N4BP2L2: variants seen among roughly 807,000 people sequenced by gnomAD.
The protein encoded by N4BP2L2 is NEDD4-binding protein 2-like 2.
Under a neutral mutation model 56.2 loss-of-function variants are expected in N4BP2L2, and 50 were observed. The ratio of observed to expected loss-of-function variants is 0.89; its 90% CI spans 0.71 to 1.13. N4BP2L2 has a LOEUF of 1.13. Among genes scored for constraint, N4BP2L2 ranks in the 50% most tolerant of loss-of-function variants. The pLI, the probability that N4BP2L2 is intolerant of heterozygous loss-of-function variation, is 0.00. For synonymous variants in N4BP2L2, 203 were observed against 223.6 expected (o/e 0.91, Z 0.82); for missense variants, 689 against 693.8 (o/e 0.99, Z 0.08).
chr13:32,442,597 G>C (rs1243791450), exon 7 of N4BP2L2: 1 of 1,613,860 alleles, frequency 6.2e-7, no homozygotes, highest in Non-Finnish European at 8.5e-7. Flanking sequence ...AGAGCACGAA[G>C]TATCAGGATG....
At chr13:32,477,962 C>T in intron 6 of N4BP2L2, 1 of 1,289,368 alleles carries the variant, frequency 7.8e-7, no homozygotes, top group Non-Finnish European at 1.0e-6. Flanking sequence ...TTGGTCATGT[C>T]CTTGATTCCA....
intron 6 of N4BP2L2, among the ~76,000 whole-genome samples, chr13:32,459,714 T>C (rs1381328329): frequency 1.3e-5 from 2 of 152,116 alleles, no homozygotes; most frequent in Non-Finnish European, 2.9e-5. Context: ...GAACATCCTA[T>C]GCTCATTGAT....
intron 5 of N4BP2L2, among the ~76,000 whole-genome samples, chr13:32,519,925 T>C (rs1353199224): frequency 1.3e-5 from 2 of 152,218 alleles, no homozygotes; most frequent in Non-Finnish European, 2.9e-5. Context: ...CATTTTATCA[T>C]TCATTTATTC....
chr13:32,524,339 A>T (rs2052002065), intron 3 of N4BP2L2: 5 of 152,220 alleles, frequency 3.3e-5, no homozygotes, highest in Admixed American at 2.0e-4. Context: ...TCCAGAAAAG[A>T]AGTTTTATTG....
intron 6 of N4BP2L2, among the ~76,000 whole-genome samples, chr13:32,470,973 C>G (rs2082181875): frequency 6.6e-6 from 1 of 152,218 alleles, no homozygotes; most frequent in Admixed American, 6.5e-5. Flanking sequence ...CTGTCACAGT[C>G]TAGCCTAGTA....
At chr13:32,444,067 C>T in exon 7 of N4BP2L2, 1 of 1,589,938 alleles carries the variant, frequency 6.3e-7, no homozygotes, top group Non-Finnish European at 8.6e-7. Context: ...GTTTCTTTTT[C>T]TGTTCCTCTT....
chr13:32,519,062 AT>A (rs2050031854), intron 5 of N4BP2L2, among the ~76,000 whole-genome samples: 1 of 152,134 alleles, frequency 6.6e-6, no homozygotes, highest in African/African-American at 2.4e-5. Context: ...TTACTTTTCA[AT>A]GCTGATGTTT....
intron 6 of N4BP2L2, among the ~76,000 whole-genome samples, chr13:32,451,574 C>A (rs1040551554): frequency 6.6e-6 from 1 of 152,080 alleles, no homozygotes; most frequent in Admixed American, 6.6e-5. Context: ...CAGGGTCTCA[C>A]TCTGTTGCCC....
chr13:32,533,181 T>C (rs1048069742), intron 2 of N4BP2L2, among the ~76,000 whole-genome samples: 2 of 152,216 alleles, frequency 1.3e-5, no homozygotes, highest in Non-Finnish European at 2.9e-5. Context: ...TTTATAGGCT[T>C]CTCAAATTCA....
At chr13:32,468,544 T>G (rs1157479327) in intron 6 of N4BP2L2, among the ~76,000 whole-genome samples, 1 of 152,202 alleles carries the variant, frequency 6.6e-6, no homozygotes, top group Admixed American at 6.5e-5. Flanking sequence ...GCAGCTGATA[T>G]GACAGAATCA....
At chr13:32,438,662 A>G (rs759810010) in exon 8 of N4BP2L2, 2 of 1,602,938 alleles carry the variant, frequency 1.2e-6, no homozygotes, top group South Asian at 2.2e-5. Context: ...CTCCACTGAC[A>G]TCTTCCATTG....
chr13:32,500,861 TTTTC>T (rs1209870276), intron 6 of N4BP2L2, among the ~76,000 whole-genome samples: 7 of 137,536 alleles, frequency 5.1e-5, no homozygotes, highest in Admixed American at 4.3e-4. Context: ...CACTTTAGTC[TTTTC>T]TTTTTTTTTT....
chr13:32,532,496 T>G (rs530596255), intron 2 of N4BP2L2, among the ~76,000 whole-genome samples: 1 of 152,240 alleles, frequency 6.6e-6, no homozygotes, highest in African/African-American at 2.4e-5. Flanking sequence ...TACCATGTAT[T>G]GAATATTTTG....
exon 6 of N4BP2L2, chr13:32,516,785 G>T: frequency 5.1e-6 from 2 of 391,934 alleles, no homozygotes; most frequent in Non-Finnish European, 7.0e-6. Context: ...ATTAAGAGAA[G>T]TAGTAGTGTT....
chr13:32,446,082 G>A (rs2077009106), intron 6 of N4BP2L2, among the ~76,000 whole-genome samples: 1 of 152,164 alleles, frequency 6.6e-6, no homozygotes, highest in African/African-American at 2.4e-5. Context: ...TCAGTTGATT[G>A]GCTGGGCATT....
At chr13:32,441,690 CAT>C (rs2076362373) in intron 7 of N4BP2L2, among the ~76,000 whole-genome samples, 1 of 137,632 alleles carries the variant, frequency 7.3e-6, no homozygotes, top group Non-Finnish European at 1.5e-5. Flanking sequence ...CTCTCAAAAA[CAT>C]AAATAAATAA....
At chr13:32,527,525 G>A (rs776768760) in exon 3 of N4BP2L2, 5 of 1,611,342 alleles carry the variant, frequency 3.1e-6, no homozygotes, top group Non-Finnish European at 3.4e-6. Context: ...TTCTGACCAA[G>A]CAGAATTCTG....
rs2051095934 is a variant in N4BP2L2, at chr13:32,522,008, T to C, written c.1473+174A>G. ...CAAACAAAAATTAACAAGATGAACA[T>C]GTTCCTTAAAAAACATCATTCACAA... On this transcript the variant is annotated intron_variant, in intron 4 of 5. Coordinates refer to ENST00000267068, the Ensembl canonical transcript of N4BP2L2. 1.1e-5 allele frequency: 6 copies of C among 562,440 alleles called. No homozygotes were observed. In the South Asian group the frequency reaches 1.2e-4, roughly 11 times the overall value. 34.8% of individuals were successfully genotyped at this position (562,440 alleles called of 1,614,324 possible).
chr13:32,457,886 G>A (rs1213043572), intron 6 of N4BP2L2, among the ~76,000 whole-genome samples: 2 of 152,050 alleles, frequency 1.3e-5, no homozygotes, highest in Non-Finnish European at 2.9e-5. Context: ...AACAATAAAA[G>A]AGAAACAAAA....
Sources: gnomAD v4.1 joint callset for allele counts (sites outside exome capture counted in the v4.1 genomes callset) on GRCh38, gnomAD v4.1.1 for gene constraint, MANE v1.5 for transcripts, NCBI Gene and HGNC (gene_info 2026-07-23, HGNC 2026-07-21) for gene names.